FAM20B: variants seen among roughly 807,000 people sequenced by gnomAD.
The protein encoded by FAM20B is glycosaminoglycan xylosylkinase.
FAM20B carries 23 observed loss-of-function variants against 43.8 expected under a neutral mutation model. That is an observed-to-expected ratio of 0.53 (90% CI 0.38 to 0.74). The LOEUF is 0.74. Among genes scored for constraint, FAM20B ranks in the 30% least tolerant of loss-of-function variants. The pLI is 0.00. For synonymous variants in FAM20B, 178 were observed against 192.4 expected, an observed-to-expected ratio of 0.93 and a Z score of 0.62; for missense variants, 440 against 510.5, an observed-to-expected ratio of 0.86 and a Z score of 1.33.
At chr1:179,037,684 G>A (rs759363063) in intron 1 of FAM20B, among the ~76,000 whole-genome samples, 17 of 151,710 alleles carry the variant, frequency 1.1e-4, no homozygotes, top group East Asian at 3.9e-4. Context: ...ATGGGGTTTC[G>A]CCGTGTTGTC....
At chr1:179,036,956 A>G (rs1650266181) in intron 1 of FAM20B, among the ~76,000 whole-genome samples, 1 of 152,204 alleles carries the variant, frequency 6.6e-6, no homozygotes, top group African/African-American at 2.4e-5. Flanking sequence ...GAGGGACTAC[A>G]GTGTAAGGAA....
At chr1:179,031,382 C>A (rs530269036) in intron 1 of FAM20B, among the ~76,000 whole-genome samples, 1 of 152,268 alleles carries the variant, frequency 6.6e-6, no homozygotes, top group Admixed American at 6.5e-5. Context: ...ACAGAACTCG[C>A]TAGCAGTATG....
rs775951319 is a variant in FAM20B, at chr1:179,074,469, C to T, written c.*2325C>T. 12 of 152,546 alleles carry T rather than the reference C, an allele frequency of 7.9e-5. No homozygotes were observed. The highest frequency in any genetic ancestry group is 3.9e-4 in the East Asian group (2 of 5,176). 9.4% of individuals were successfully genotyped at this position (152,546 alleles called of 1,614,324 possible). ...GATTTGTGGTCTTTCAAATACATGA[C>T]GCCTTTAGTATGCCACACTGAAATG... On this transcript the variant is annotated 3_prime_UTR_variant, in exon 8 of 8. Coordinates refer to ENST00000263733, the MANE Select transcript of FAM20B (RefSeq NM_014864.4).
intron 1 of FAM20B, chr1:179,035,602 G>GT: frequency 1.9e-6 from 1 of 529,236 alleles, no homozygotes; most frequent in Non-Finnish European, 3.5e-6. Flanking sequence ...ATGGCTGCAC[G>GT]TAACTGTGGC....
intron 1 of FAM20B, among the ~76,000 whole-genome samples, chr1:179,027,065 G>A (rs1649820188): frequency 6.6e-6 from 1 of 152,232 alleles, no homozygotes; most frequent in Admixed American, 6.5e-5. Context: ...TCTAGTGCCA[G>A]ATATCAGCAT....
upstream of FAM20B, chr1:179,025,844 C>A (rs1649740052): frequency 7.6e-6 from 1 of 132,334 alleles, no homozygotes; most frequent in Non-Finnish European, 1.6e-5. Flanking sequence ...GTCGGGCAGG[C>A]GCTACGCTAG....
chr1:179,051,504 A>G (rs1055790011), intron 3 of FAM20B, among the ~76,000 whole-genome samples: 3 of 151,908 alleles, frequency 2.0e-5, no homozygotes, highest in East Asian at 2.0e-4. Flanking sequence ...GCGTGTGCCT[A>G]TAGTTCCAAC....
chr1:179,074,696 A>G lies in FAM20B; in HGVS notation c.*2552A>G, dbSNP rs1652062350. Reference sequence around the variant, plus strand: ...GATGATAAATTTAGAATTTTCATCTATAAAATTTAGAACTCTAATCCATAA... The same window carrying G: ...GATGATAAATTTAGAATTTTCATCTGTAAAATTTAGAACTCTAATCCATAA... On this transcript the variant is annotated 3_prime_UTR_variant, in exon 8 of 8. Coordinates refer to ENST00000263733, the MANE Select transcript of FAM20B (RefSeq NM_014864.4). 6.6e-6 allele frequency: 1 copy of G among 152,354 alleles called. No individual in the cohort carries two copies. Among genetic ancestry groups the G allele is most frequent in the African/African-American group, 2.4e-5 (1 of 41,588 alleles). 9.4% of individuals were successfully genotyped at this position (152,354 alleles called of 1,614,324 possible).
At chr1:179,053,754 A>G (rs1283982652) in intron 3 of FAM20B, among the ~76,000 whole-genome samples, 2 of 152,230 alleles carry the variant, frequency 1.3e-5, no homozygotes, top group African/African-American at 2.4e-5. Context: ...GTACAAAGCA[A>G]GATATAAAAC....
chr1:179,065,829 T>G (rs994369805), intron 6 of FAM20B, among the ~76,000 whole-genome samples: 2 of 152,214 alleles, frequency 1.3e-5, no homozygotes, highest in Admixed American at 1.3e-4. Flanking sequence ...AGAAATGTAT[T>G]GCTTACAGTT....
At chr1:179,040,479 G>A (rs1351681887) in intron 1 of FAM20B, among the ~76,000 whole-genome samples, 9 of 148,962 alleles carry the variant, frequency 6.0e-5, no homozygotes, top group South Asian at 2.1e-4. Flanking sequence ...GCGGCTAGCC[G>A]GGCGGGGGGC....
chr1:179,054,665 A>G, intron 4 of FAM20B, 27 bp downstream of exon 4: 1 of 1,372,186 alleles, frequency 7.3e-7, no homozygotes, highest in South Asian at 1.2e-5. Context: ...GGACATTTAT[A>G]TAGGGGAATG....
chr1:179,041,320 G>T (rs1650515185), intron 1 of FAM20B, among the ~76,000 whole-genome samples: 1 of 152,196 alleles, frequency 6.6e-6, no homozygotes, highest in Admixed American at 6.5e-5. Flanking sequence ...GGAGGTGGAG[G>T]TTGTAGCGAG....
chr1:179,063,239 T>G (rs988391227), intron 4 of FAM20B, among the ~76,000 whole-genome samples: 1 of 151,974 alleles, frequency 6.6e-6, no homozygotes, highest in African/African-American at 2.4e-5. Flanking sequence ...ATCTTGCCAC[T>G]GCACTCTAGC....
chr1:179,018,148 C>G, the FAM20B span, among the ~76,000 whole-genome samples: 2 of 152,184 alleles, frequency 1.3e-5, no homozygotes, highest in East Asian at 3.9e-4. Context: ...CAAGTTCCCT[C>G]TGTGTCACAT....
chr1:179,036,927 TAAGAG>T (rs1650261785), intron 1 of FAM20B, among the ~76,000 whole-genome samples: 1 of 152,132 alleles, frequency 6.6e-6, no homozygotes, highest in Admixed American at 6.5e-5. Context: ...GAAGAAATGT[TAAGAG>T]AAAGAGGAAT....
chr1:179,044,442 C>T (rs1254563612), intron 2 of FAM20B, among the ~76,000 whole-genome samples: 3 of 152,184 alleles, frequency 2.0e-5, no homozygotes, highest in Non-Finnish European at 2.9e-5. Context: ...CTGTGTTCTA[C>T]CTACTCATTT....
rs892527665 is a variant in FAM20B, at chr1:179,043,950, C to T, written c.103C>T (p.Arg35Trp). 19 of 1,613,970 alleles carry T rather than the reference C, an allele frequency of 1.2e-5. No individual in the cohort carries two copies. The highest frequency in any genetic ancestry group is 1.5e-5 in the Non-Finnish European group (18 of 1,179,974). The change falls in exon 2 of 8, where the codon CGG becomes TGG. Residue 35 changes from arginine (R) to tryptophan (W), a missense_variant. Coordinates refer to ENST00000263733, the MANE Select transcript of FAM20B (RefSeq NM_014864.4). ...IDNLDTSAAN[R>W]EDQRAFHRMM... is the part of the protein sequence containing the mutation. ...CAACTTAGATACATCAGCTGCCAAC[C>T]GGGAGGACCAGAGGGCCTTTCACCG...
intron 1 of FAM20B, among the ~76,000 whole-genome samples, chr1:179,028,939 C>A (rs935737663): frequency 6.6e-6 from 1 of 152,152 alleles, no homozygotes; most frequent in African/African-American, 2.4e-5. Context: ...GATTACTGTT[C>A]AAAATATTCT....
Sources: gnomAD v4.1 joint callset for allele counts (sites outside exome capture counted in the v4.1 genomes callset) on GRCh38, gnomAD v4.1.1 for gene constraint, MANE v1.5 for transcripts, NCBI Gene and HGNC (gene_info 2026-07-23, HGNC 2026-07-21) for gene names.